The following CD300LG variants were observed in gnomAD, a reference collection of about 807,000 sequenced individuals.
CD300LG encodes CMRF35-like molecule 9.
Under a neutral mutation model 31.5 loss-of-function variants are expected in CD300LG, and 29 were observed. That is an observed-to-expected ratio of 0.92 (90% CI 0.68 to 1.25). The LOEUF is 1.25. CD300LG is among the 50% of genes most tolerant of loss of function. The pLI is 0.00. For missense variants in CD300LG, 396 were observed against 417.6 expected (o/e 0.95, Z 0.45); for synonymous variants, 175 against 177.2 (o/e 0.99, Z 0.10).
chr17:43,848,633 G>A lies in CD300LG; in HGVS notation c.119G>A (p.Arg40Lys). 1 of 1,614,098 alleles carries A rather than the reference G, an allele frequency of 6.2e-7. No homozygotes were observed. The change falls in exon 2 of 7, where the codon AGG becomes AAG. Residue 40 changes from arginine (R) to lysine (K), a missense_variant. Physicochemically the swap from Arg to Lys is conservative, Grantham distance 26 (BLOSUM62 2). Transcript: ENST00000317310. ...ACTGTGTCCCTGCAGTGCACCTACA[G>A]GGAAGAGCTGAGGGACCACCGGAAG... Reference protein sequence around the residue: ...GDTVSLQCTYREELRDHRKYW... With the variant: ...GDTVSLQCTYKEELRDHRKYW...
intron 3 of CD300LG, 84 bp from the exon 4 acceptor site, chr17:43,853,723 G>T: frequency 8.8e-7 from 1 of 1,139,994 alleles, no homozygotes; most frequent in Non-Finnish European, 1.3e-6. Context: ...GGAGGCTAGG[G>T]TTCAGGGGTC....
At chr17:43,852,230 A>G (rs2046380848) in intron 2 of CD300LG, among the ~76,000 whole-genome samples, 3 of 149,952 alleles carry the variant, frequency 2.0e-5, no homozygotes, top group Admixed American at 2.0e-4. Flanking sequence ...TTAGAGACGA[A>G]GTTTTGCTGT....
At chr17:43,848,476 T>C in intron 1 of CD300LG, 82 bp from the exon 2 acceptor site, 1 of 1,139,790 alleles carries the variant, frequency 8.8e-7, no homozygotes, top group Non-Finnish European at 1.3e-6. Context: ...CCTTCCTTCT[T>C]CCTCCTAAAA....
chr17:43,856,508 C>T (rs375586248), intron 5 of CD300LG, among the ~76,000 whole-genome samples: 6 of 152,118 alleles, frequency 3.9e-5, no homozygotes, highest in African/African-American at 9.7e-5. Flanking sequence ...GTGGTGGAGC[C>T]GGGAAGATAA....
chr17:43,858,512 G>A (rs1182044827), intron 6 of CD300LG: 1 of 985,414 alleles, frequency 1.0e-6, no homozygotes, highest in Non-Finnish European at 1.2e-6. Flanking sequence ...TCCTGACCCT[G>A]GCTCTGCTGA....
Position 43,863,559 on chromosome 17 carries a change from C to T in CD300LG, c.*1648C>T, listed in dbSNP as rs2046685165. Reference sequence around the variant, plus strand: ...TCCTGCCTTTTCCACCTTATCGTTCCATCACTTTATTCCAGCACTTCTCTG... The same window carrying T: ...TCCTGCCTTTTCCACCTTATCGTTCTATCACTTTATTCCAGCACTTCTCTG... On this transcript the variant is annotated 3_prime_UTR_variant, in exon 7 of 7. Coordinates refer to ENST00000317310, the MANE Select transcript of CD300LG (RefSeq NM_145273.4). 1 of 152,118 alleles carries T rather than the reference C, an allele frequency of 6.6e-6. No individual in the cohort carries two copies. The highest frequency in any genetic ancestry group is 1.5e-5 in the Non-Finnish European group (1 of 68,016). 9.4% of individuals were successfully genotyped at this position (152,118 alleles called of 1,614,324 possible).
In CD300LG at chr17:43,857,498, C is replaced by G. The variant is rs1011564133; in HGVS notation, c.885+342C>G. ...ACATCAGAGCTGGATCCAGATGAAG[C>G]CTTTGAGATCTCTAGCCTGACTTTT... On this transcript the variant is annotated intron_variant, in intron 6 of 6. Coordinates refer to ENST00000317310, the MANE Select transcript of CD300LG (RefSeq NM_145273.4). 11 of 1,517,736 alleles carry G rather than the reference C, an allele frequency of 7.2e-6. No individual in the cohort carries two copies. The South Asian group carries it at 1.3e-4, about 18-fold the overall frequency. The allele number at this position is 1,517,736 out of a possible 1,614,324, so 94.0% of individuals were successfully genotyped here.
intron 5 of CD300LG, 25 bp from the exon 6 acceptor site, chr17:43,857,079 G>T (rs371589524): frequency 3.1e-6 from 5 of 1,613,522 alleles, no homozygotes; most frequent in African/African-American, 1.3e-5. Flanking sequence ...GCTTCAAGGG[G>T]CTCCTCCTTC....
At chr17:43,858,675 TG>T in intron 6 of CD300LG, 1 of 985,436 alleles carries the variant, frequency 1.0e-6, no homozygotes, top group African/African-American at 1.7e-5. Flanking sequence ...TGCTTTTTCT[TG>T]ATTATTTCCC....
At position 43,863,393 on chromosome 17, in the gene CD300LG, G is replaced by A. The variant is rs2046682908; in HGVS notation, c.*1482G>A. 6.6e-6 allele frequency: 1 copy of A among 152,084 alleles called. No homozygotes were observed. Among genetic ancestry groups the A allele is most frequent in the African/African-American group, 2.4e-5 (1 of 41,422 alleles). The allele number at this position is 152,084 out of a possible 1,614,324, so 9.4% of individuals were successfully genotyped here. On this transcript the variant is annotated 3_prime_UTR_variant, in exon 7 of 7. Coordinates refer to ENST00000317310, the MANE Select transcript of CD300LG (RefSeq NM_145273.4). ...GGAAAGATGGAGGAGAAAAAGAAAAGGAAGAAAAAAATGTCACCCATAGTC... is the reference window on the plus strand; with the variant it reads ...GGAAAGATGGAGGAGAAAAAGAAAAAGAAGAAAAAAATGTCACCCATAGTC...
chr17:43,855,367 G>A, intron 5 of CD300LG, 48 bp downstream of exon 5: 1 of 1,189,184 alleles, frequency 8.4e-7, no homozygotes. Context: ...CTGGGCCAGG[G>A]ACCTCACTGA....
intron 6 of CD300LG, chr17:43,857,522 T>C (rs2046559373): frequency 1.3e-6 from 2 of 1,495,054 alleles, no homozygotes; most frequent in Non-Finnish European, 1.8e-6. Context: ...AGCCTGACTT[T>C]TCTCTCAGTT....
rs933379973 is a variant in CD300LG, at chr17:43,861,198, T to C, written c.886-600T>C. ...AACCTTGCAGGGCCCATGGGGTCTC[T>C]CACCATCCCCGAGCCCTCTCCCAGC... On this transcript the variant is annotated intron_variant, in intron 6 of 6. Coordinates refer to ENST00000317310, the MANE Select transcript of CD300LG (RefSeq NM_145273.4). 6.1e-6 allele frequency: 6 copies of C among 985,256 alleles called. No homozygotes were observed. The African/African-American group carries it at 1.0e-4, about 17-fold the overall frequency. The allele number at this position is 985,256 out of a possible 1,614,324, so 61.0% of individuals were successfully genotyped here.
intron 5 of CD300LG, among the ~76,000 whole-genome samples, chr17:43,856,638 A>G (rs1239664872): frequency 3.3e-5 from 5 of 152,198 alleles, no homozygotes; most frequent in African/African-American, 9.6e-5. Flanking sequence ...TGAAGAAGCC[A>G]GGGTGGGAGC....
intron 2 of CD300LG, among the ~76,000 whole-genome samples, chr17:43,852,121 T>C (rs1239589135): frequency 1.3e-5 from 2 of 151,648 alleles, no homozygotes; most frequent in East Asian, 3.9e-4. Context: ...GAATAGAGGA[T>C]GACTCTATGG....
At chr17:43,850,213 T>G (rs185173990) in intron 2 of CD300LG, among the ~76,000 whole-genome samples, 150 of 152,276 alleles carry the variant, frequency 9.9e-4, no homozygotes, top group African/African-American at 3.5e-3. Flanking sequence ...TTTTGTGGTG[T>G]TTTCCAATTT....
chr17:43,857,006 C>A, intron 5 of CD300LG, 98 bp from the exon 6 acceptor site: 4 of 1,226,364 alleles, frequency 3.3e-6, no homozygotes, highest in African/African-American at 1.5e-5. Context: ...CCCCTGCTCC[C>A]GTGTGCAAGG....
At chr17:43,849,035 T>C (rs756963307) in intron 2 of CD300LG, 142 bp downstream of exon 2, 381 of 760,598 alleles carry the variant, frequency 5.0e-4, no homozygotes, top group Non-Finnish European at 7.5e-4. Context: ...CGAGCAAGGC[T>C]TGGGGCACAG....
rs1196597276 is a variant in CD300LG at position 43,863,267 on chromosome 17, C to T, written c.*1356C>T. ...CTCCTGACCTCAAATGAGCCTCCTGCTTCAGTCTCCCAAATTGCCGGGATT... is the reference window on the plus strand; with the variant it reads ...CTCCTGACCTCAAATGAGCCTCCTGTTTCAGTCTCCCAAATTGCCGGGATT... On this transcript the variant is annotated 3_prime_UTR_variant, in exon 7 of 7. Transcript: ENST00000317310. The T allele has an allele frequency of 6.6e-6, 1 of 152,174 alleles. No homozygotes were observed. Among genetic ancestry groups the T allele is most frequent in the Non-Finnish European group, 1.5e-5 (1 of 68,050 alleles). The allele number at this position is 152,174 out of a possible 1,614,324, so 9.4% of individuals were successfully genotyped here. A position where few individuals can be genotyped will look rare whatever the true frequency, so the allele number is the denominator to read the frequency against.
Sources: allele counts gnomAD v4.1 joint callset (sites outside exome capture counted in the v4.1 genomes callset), GRCh38; gene constraint gnomAD v4.1.1; transcripts MANE v1.5; gene names NCBI Gene and HGNC (gene_info 2026-07-23, HGNC 2026-07-21).